Variants in SLA observed in about 807,000 individuals in gnomAD.
The protein encoded by SLA is Src like adaptor.
A neutral mutation model predicts 30.3 loss-of-function variants in SLA; 16 were observed. The observed-to-expected ratio is 0.53, with a 90% CI of 0.36 to 0.80. The LOEUF (loss-of-function observed/expected upper bound fraction) is 0.80, where lower values mean the gene tolerates loss of function less well. SLA is among the 30% of genes least tolerant of loss of function. The pLI is 0.01. For missense variants in SLA, 310 were observed against 345.2 expected (o/e 0.90, Z 0.81); for synonymous variants, 143 against 137.8 (o/e 1.04, Z -0.26).
At chr8:133,089,106 C>T (rs4273838) in intron 1 of SLA, among the ~76,000 whole-genome samples, 1 of 152,026 alleles carries the variant, frequency 6.6e-6, no homozygotes, top group Non-Finnish European at 1.5e-5. Context: ...AGACATGGCA[C>T]TCTGGGTCAC....
rs372540168 is a variant in SLA at position 133,066,105 on chromosome 8, C to T, written c.-40-5905G>A. Among the ~76,000 whole-genome samples, 56 of 152,186 alleles carry T rather than the reference C, an allele frequency of 3.7e-4. No individual in the cohort carries two copies. In the East Asian group the frequency reaches 9.1e-3, roughly 25 times the overall value. Reference sequence around the variant, plus strand: ...TTAGGAGGCTGAGGCGGGCAGATCACGAGGTGAGGAGATCGAGACCATCCT... The same window carrying T: ...TTAGGAGGCTGAGGCGGGCAGATCATGAGGTGAGGAGATCGAGACCATCCT... On this transcript the variant is annotated intron_variant, in intron 2 of 8. Transcript: ENST00000338087.
At chr8:133,051,203 T>C (rs927627653) in intron 3 of SLA, among the ~76,000 whole-genome samples, 3 of 152,256 alleles carry the variant, frequency 2.0e-5, no homozygotes, top group Non-Finnish European at 4.4e-5. Context: ...AGTCATGGGG[T>C]CTGGCTTCAG....
intron 5 of SLA, 70 bp from the exon 6 acceptor site, chr8:133,048,003 CCCA>C: frequency 3.4e-6 from 3 of 870,124 alleles, no homozygotes; most frequent in Non-Finnish European, 5.7e-6. Flanking sequence ...GAATGCGCCA[CCCA>C]CCGTACTAAG....
chr8:133,062,703 G>A (rs927626865), intron 2 of SLA, among the ~76,000 whole-genome samples: 4 of 152,298 alleles, frequency 2.6e-5, no homozygotes, highest in Non-Finnish European at 4.4e-5. Context: ...CCTGTGACAC[G>A]CACAGGGTGT....
chr8:133,088,912 G>A (rs1042621176), intron 1 of SLA, among the ~76,000 whole-genome samples: 11 of 152,208 alleles, frequency 7.2e-5, no homozygotes, highest in Non-Finnish European at 1.3e-4. Context: ...TAGAAAACAT[G>A]CAAGAGAATA....
At chr8:133,046,090 C>T (rs945865241) in intron 6 of SLA, among the ~76,000 whole-genome samples, 2 of 152,096 alleles carry the variant, frequency 1.3e-5, no homozygotes, top group Admixed American at 6.5e-5. Context: ...AGAGTAGAAC[C>T]GCAGCCATGT....
At chr8:133,040,984 A>G (rs1587842346) in intron 7 of SLA, among the ~76,000 whole-genome samples, 1 of 152,332 alleles carries the variant, frequency 6.6e-6, no homozygotes, top group East Asian at 1.9e-4. Flanking sequence ...CTTTCCAGGC[A>G]CATTACGATG....
chr8:133,045,544 G>A (rs1005263521), intron 6 of SLA, among the ~76,000 whole-genome samples: 5 of 151,870 alleles, frequency 3.3e-5, no homozygotes, highest in South Asian at 2.1e-4. Context: ...ACAGGCATGC[G>A]CCACCACGCC....
At chr8:133,098,696 G>A (rs997147493) in intron 1 of SLA, among the ~76,000 whole-genome samples, 2 of 152,136 alleles carry the variant, frequency 1.3e-5, no homozygotes, top group Admixed American at 6.5e-5. Flanking sequence ...GGAGGAGGGC[G>A]GCCCTGTGGT....
At chr8:133,086,673 A>C (rs1033388195) in intron 1 of SLA, among the ~76,000 whole-genome samples, 1 of 152,222 alleles carries the variant, frequency 6.6e-6, no homozygotes, top group Non-Finnish European at 1.5e-5. Flanking sequence ...ATAAAACCTG[A>C]AACAATAATA....
intron 3 of SLA, chr8:133,059,070 A>T (rs1419555720): frequency 2.2e-6 from 1 of 456,278 alleles, no homozygotes; most frequent in African/African-American, 2.0e-5. Flanking sequence ...ACCTGGAGGC[A>T]GCGCAGGAAC....
At chr8:133,050,058 G>A (rs1196226626) in intron 4 of SLA, 70 bp from the exon 5 acceptor site, 3 of 1,002,900 alleles carry the variant, frequency 3.0e-6, no homozygotes, top group Non-Finnish European at 1.6e-6. Flanking sequence ...AATGAACAGA[G>A]TAATCAGATT....
chr8:133,069,644 G>A (rs1056242023), intron 2 of SLA, among the ~76,000 whole-genome samples: 1 of 152,132 alleles, frequency 6.6e-6, no homozygotes, highest in African/African-American at 2.4e-5. Flanking sequence ...CAGCAGGTTT[G>A]TTTCTACTCT....
At chr8:133,045,935 G>C (rs1468789929) in intron 6 of SLA, among the ~76,000 whole-genome samples, 1 of 152,060 alleles carries the variant, frequency 6.6e-6, no homozygotes, top group Non-Finnish European at 1.5e-5. Flanking sequence ...CTTTTCCTTT[G>C]TCTATACTCT....
Position 133,052,512 on chromosome 8 carries a change from C to T in SLA, c.62-1597G>A, listed in dbSNP as rs567146118. Among the ~76,000 whole-genome samples the T allele has an allele frequency of 3.9e-5, 6 of 152,276 alleles. No homozygotes were observed. The South Asian group carries it at 1.2e-3, about 32-fold the overall frequency. ...GACCTCTGACCTGTCCTGCTGCAGA[C>T]CTTCCCCAAACCTGTGGGGGCAGCT... On this transcript the variant is annotated intron_variant, in intron 3 of 8. Coordinates refer to ENST00000338087, the MANE Select transcript of SLA (RefSeq NM_001045556.3).
intron 7 of SLA, among the ~76,000 whole-genome samples, chr8:133,042,696 T>C (rs1360344774): frequency 1.6e-5 from 2 of 127,422 alleles, no homozygotes; most frequent in Non-Finnish European, 3.2e-5. Flanking sequence ...TTTTTTTTTT[T>C]TTTTTTTTTT....
At position 133,039,932 on chromosome 8, in the gene SLA, A is replaced by C. The variant is rs1195761424; in HGVS notation, c.617+66T>G. ...GGCACACACACCGTTTTGTGCTCAC[A>C]TGTTCACAGAGCACTTGCATGCACA... is the stretch of plus-strand genomic sequence containing the variant. On this transcript the variant is annotated intron_variant, in intron 8 of 8. Transcript: ENST00000338087. The C allele has an allele frequency of 1.4e-5, 21 of 1,520,856 alleles. No homozygotes were observed. In the East Asian group the frequency reaches 3.5e-4, roughly 25 times the overall value. The allele number at this position is 1,520,856 out of a possible 1,614,324, so 94.2% of individuals were successfully genotyped here. A position where few individuals can be genotyped will look rare whatever the true frequency, so the allele number is the denominator to read the frequency against.
At chr8:133,052,465 C>T (rs866969737) in intron 3 of SLA, among the ~76,000 whole-genome samples, 17 of 152,110 alleles carry the variant, frequency 1.1e-4, no homozygotes, top group African/African-American at 3.1e-4. Flanking sequence ...CGTGTCGGGA[C>T]GTAAAAGGGC....
At chr8:133,100,070 C>G (rs1211516641) in intron 1 of SLA, among the ~76,000 whole-genome samples, 1 of 152,210 alleles carries the variant, frequency 6.6e-6, no homozygotes, top group Non-Finnish European at 1.5e-5. Flanking sequence ...TTGATGTGAC[C>G]TCTGTTAGCT....
Sources: gnomAD v4.1 joint callset for allele counts (sites outside exome capture counted in the v4.1 genomes callset) on GRCh38, gnomAD v4.1.1 for gene constraint, MANE v1.5 for transcripts, NCBI Gene and HGNC (gene_info 2026-07-23, HGNC 2026-07-21) for gene names.